The following HYDIN variants were observed in gnomAD, a reference collection of about 807,000 sequenced individuals.
The protein encoded by HYDIN is HYDIN axonemal central pair apparatus protein.
In HYDIN, 132 loss-of-function variants were observed where a neutral mutation model predicts 403.9. The observed-to-expected ratio is 0.33, with a 90% CI of 0.28 to 0.38. The LOEUF (loss-of-function observed/expected upper bound fraction) is 0.38, where lower values mean the gene tolerates loss of function less well. HYDIN is among the 10% of genes least tolerant of loss of function. The pLI is 1.00. For missense variants in HYDIN, 2,827 were observed against 5,009.5 expected, an observed-to-expected ratio of 0.56 and a Z score of 13.15; for synonymous variants, 1,202 against 1,891.7, an observed-to-expected ratio of 0.64 and a Z score of 9.46.
chr16:71,070,749 T>C (rs2082442479), intron 13 of HYDIN, among the ~76,000 whole-genome samples: 3 of 131,764 alleles, frequency 2.3e-5, no homozygotes, highest in Admixed American at 7.9e-5. Context: ...ATGGAAATGC[T>C]ACTCTTCTAC....
Position 70,974,632 on chromosome 16 carries a change from A to T in HYDIN, c.4811T>A (p.Ile1604Asn). 7.3e-7 allele frequency: 1 copy of T among 1,377,020 alleles called. No homozygotes were observed. The highest frequency in any genetic ancestry group is 1.2e-5 in the South Asian group (1 of 83,114). 85.3% of individuals were successfully genotyped at this position (1,377,020 alleles called of 1,614,324 possible). The change falls in exon 32 of 86, where the codon ATC becomes AAC. Residue 1604 changes from isoleucine to asparagine, a missense_variant. Transcript: ENST00000393567. ...LPEYILDFGY[I>N]ILGEVRTHII... ...GTGGGTTCGGACTTCGCCAAGGATG[A>T]TGTAGCCAAAGTCCAGGATGTACTC...
At chr16:71,059,434 T>C (rs560491745) in intron 18 of HYDIN, among the ~76,000 whole-genome samples, 1 of 152,332 alleles carries the variant, frequency 6.6e-6, no homozygotes, top group African/African-American at 2.4e-5. Flanking sequence ...TTGTAAAAGA[T>C]AAGATGGTTG....
chr16:70,982,122 C>T (rs1420360342), intron 28 of HYDIN, among the ~76,000 whole-genome samples: 3 of 141,620 alleles, frequency 2.1e-5, no homozygotes, highest in East Asian at 2.0e-4. Flanking sequence ...AGCAAGACTC[C>T]GTCTCCAAAA....
intron 1 of HYDIN, chr16:71,203,722 T>TG (rs769692448): frequency 1.1e-5 from 5 of 455,934 alleles, no homozygotes; most frequent in Non-Finnish European, 2.2e-5. Flanking sequence ...GACCAGCACA[T>TG]ACCAATGTCT....
chr16:71,225,766 G>A (rs1039692530), intron 1 of HYDIN, among the ~76,000 whole-genome samples: 4 of 152,014 alleles, frequency 2.6e-5, no homozygotes, highest in Non-Finnish European at 4.4e-5. Flanking sequence ...GATTGGGTAT[G>A]AAACAAGGAA....
At chr16:70,843,394 A>C (rs2037973302) in intron 75 of HYDIN, among the ~76,000 whole-genome samples, 2 of 133,420 alleles carry the variant, frequency 1.5e-5, no homozygotes, top group South Asian at 4.8e-4. Flanking sequence ...ATGGCTGCAT[A>C]GTATTCCATG....
intron 71 of HYDIN, 130 bp downstream of exon 71, chr16:70,859,938 C>T (rs1297475954): frequency 1.5e-6 from 1 of 681,728 alleles, no homozygotes; most frequent in African/African-American, 1.9e-5. Context: ...TCACTAAATA[C>T]TTGTTGATTG....
At chr16:71,203,750 G>C in intron 1 of HYDIN, 1 of 455,970 alleles carries the variant, frequency 2.2e-6, no homozygotes, top group Non-Finnish European at 4.4e-6. Flanking sequence ...GGCTCATATG[G>C]GTCCAAAGAA....
At chr16:70,933,527 C>T (rs541856440) in intron 45 of HYDIN, 2 of 151,766 alleles carry the variant, frequency 1.3e-5, no homozygotes, top group East Asian at 3.9e-4. Context: ...CAAATTGGGC[C>T]TGCCCCCACC....
chr16:71,141,761 G>A (rs1364829355), intron 7 of HYDIN, among the ~76,000 whole-genome samples: 6 of 152,162 alleles, frequency 3.9e-5, no homozygotes, highest in Admixed American at 2.6e-4. Context: ...TTAGTATCCA[G>A]TAAAGCTCAG....
chr16:70,965,630 A>G (rs1316541217), intron 36 of HYDIN, among the ~76,000 whole-genome samples: 1 of 152,220 alleles, frequency 6.6e-6, no homozygotes, highest in Non-Finnish European at 1.5e-5. Flanking sequence ...TTCTTCTACA[A>G]CCTGATTTAT....
At position 71,064,679 on chromosome 16, in the gene HYDIN, T is replaced by C. The variant is rs746613022; in HGVS notation, c.2211+26A>G. On this transcript the variant is annotated intron_variant, in intron 16 of 85. Coordinates refer to ENST00000393567, the MANE Select transcript of HYDIN (RefSeq NM_001270974.2). ...GGGAACTCAATGGAAGAATAATTAA[T>C]ACTGAAGAAGGAGAAAGGAACTCAC... 21 of 1,593,356 alleles carry C rather than the reference T, an allele frequency of 1.3e-5. No individual in the cohort carries two copies. In the East Asian group the frequency reaches 1.8e-4, roughly 14 times the overall value.
chr16:71,071,305 C>G (rs1243103588), intron 13 of HYDIN, among the ~76,000 whole-genome samples: 2 of 150,804 alleles, frequency 1.3e-5, no homozygotes, highest in Non-Finnish European at 3.0e-5. Flanking sequence ...TCCCATATTG[C>G]TTGTCAAGAA....
intron 68 of HYDIN, 98 bp from the exon 69 acceptor site, chr16:70,862,353 T>C (rs867606537): frequency 1.6e-6 from 1 of 642,754 alleles, no homozygotes; most frequent in Non-Finnish European, 2.7e-6. Flanking sequence ...TCTGCGGATA[T>C]GGTGGATATG....
intron 44 of HYDIN, among the ~76,000 whole-genome samples, chr16:70,938,338 G>C (rs1411082528): frequency 6.6e-6 from 1 of 152,232 alleles, no homozygotes; most frequent in Non-Finnish European, 1.5e-5. Context: ...GAGGCCAGTG[G>C]CCCCTCTTCC....
intron 3 of HYDIN, among the ~76,000 whole-genome samples, chr16:71,183,003 C>A (rs564495941): frequency 6.6e-6 from 1 of 152,078 alleles, no homozygotes; most frequent in East Asian, 1.9e-4. Flanking sequence ...TGCTATGAGA[C>A]AACATGGAAG....
chr16:71,021,363 C>G (rs939684494), intron 21 of HYDIN, among the ~76,000 whole-genome samples: 1 of 151,232 alleles, frequency 6.6e-6, no homozygotes, highest in African/African-American at 2.4e-5. Context: ...ATTACAGGCA[C>G]GTGCCACCAT....
chr16:70,955,749 G>A (rs530807101), intron 39 of HYDIN, among the ~76,000 whole-genome samples: 3 of 152,256 alleles, frequency 2.0e-5, no homozygotes, highest in African/African-American at 4.8e-5. Context: ...TTCTAACCCT[G>A]CCACTGATGC....
chr16:71,068,042 C>T (rs999370290), intron 14 of HYDIN, among the ~76,000 whole-genome samples: 60 of 150,534 alleles, frequency 4.0e-4, no homozygotes, highest in Non-Finnish European at 8.8e-5. Flanking sequence ...ATTGCACAGA[C>T]AATTCATTTA....
Sources: gnomAD v4.1 joint callset for allele counts (sites outside exome capture counted in the v4.1 genomes callset) on GRCh38, gnomAD v4.1.1 for gene constraint, MANE v1.5 for transcripts, NCBI Gene and HGNC (gene_info 2026-07-23, HGNC 2026-07-21) for gene names.